Variants in RAB22A observed in about 807,000 individuals in gnomAD.
The protein encoded by RAB22A is RAB22A, member RAS oncogene family.
A neutral mutation model predicts 30.2 loss-of-function variants in RAB22A; 13 were observed. The observed-to-expected ratio is 0.43, with a 90% CI of 0.28 to 0.68. RAB22A has a LOEUF of 0.68. Among genes scored for constraint, RAB22A ranks in the 30% least tolerant of loss-of-function variants. The pLI, the probability that RAB22A is intolerant of heterozygous loss-of-function variation, is 0.18. For synonymous variants in RAB22A, 89 were observed against 87.2 expected (o/e 1.02, Z -0.11); for missense variants, 177 against 246.8 (o/e 0.72, Z 1.89).
chr20:58,335,479 TC>T (rs1365525488), intron 2 of RAB22A, among the ~76,000 whole-genome samples: 2 of 152,172 alleles, frequency 1.3e-5, no homozygotes, highest in Non-Finnish European at 2.9e-5. Flanking sequence ...TTGGATGATC[TC>T]CTAGGTATAG....
At chr20:58,344,111 G>C (rs1169004265) in intron 3 of RAB22A, among the ~76,000 whole-genome samples, 1 of 152,180 alleles carries the variant, frequency 6.6e-6, no homozygotes, top group African/African-American at 2.4e-5. Context: ...CTCTCCTCTA[G>C]TAAAGATATA....
chr20:58,343,134 C>T (rs941056129), intron 2 of RAB22A, among the ~76,000 whole-genome samples: 1 of 152,060 alleles, frequency 6.6e-6, no homozygotes, highest in African/African-American at 2.4e-5. Flanking sequence ...CCCGTTTTGT[C>T]GATGAAATGC....
chr20:58,339,725 T>G (rs1721459428), intron 2 of RAB22A, among the ~76,000 whole-genome samples: 1 of 152,134 alleles, frequency 6.6e-6, no homozygotes, highest in Admixed American at 6.5e-5. Context: ...TGGGGTGATT[T>G]GTGGGGGTAG....
chr20:58,310,025 G>A lies in RAB22A; in HGVS notation c.36+13G>A. The stretch of plus-strand genomic sequence containing the variant: ...GTGTCTGCTCGGGGTGAGTGGCGGC[G>A]GGTCCGGCCGGGAGGGCCACGGGAG... On this transcript the variant is annotated intron_variant, in intron 1 of 6. Coordinates refer to ENST00000244040, the MANE Select transcript of RAB22A (RefSeq NM_020673.3). 7.9e-7 allele frequency: 1 copy of A among 1,268,616 alleles called. No homozygotes were observed. The allele number at this position is 1,268,616 out of a possible 1,614,324, so 78.6% of individuals were successfully genotyped here.
chr20:58,333,055 G>A (rs946839332), intron 2 of RAB22A, among the ~76,000 whole-genome samples: 2 of 151,964 alleles, frequency 1.3e-5, no homozygotes, highest in Non-Finnish European at 2.9e-5. Context: ...AAGGCAAGTG[G>A]ATCACCTGAG....
At chr20:58,337,282 T>TG (rs1986773115) in intron 2 of RAB22A, among the ~76,000 whole-genome samples, 1 of 152,188 alleles carries the variant, frequency 6.6e-6, no homozygotes, top group Admixed American at 6.5e-5. Context: ...CCTTGGCTTG[T>TG]GGCCCCTTCT....
intron 6 of RAB22A, among the ~76,000 whole-genome samples, chr20:58,359,356 T>G (rs190069578): frequency 6.6e-6 from 1 of 152,284 alleles, no homozygotes; most frequent in African/African-American, 2.4e-5. Context: ...GTGGCAATGT[T>G]GAACTCTTCA....
chr20:58,340,986 T>C (rs1384408056), intron 2 of RAB22A, among the ~76,000 whole-genome samples: 1 of 152,144 alleles, frequency 6.6e-6, no homozygotes, highest in African/African-American at 2.4e-5. Flanking sequence ...ATGACTGCAG[T>C]GGCCAAGGCA....
chr20:58,331,007 C>G (rs1195747284), intron 2 of RAB22A, among the ~76,000 whole-genome samples: 1 of 152,204 alleles, frequency 6.6e-6, no homozygotes, highest in African/African-American at 2.4e-5. Context: ...AGCCCTGAAC[C>G]TCATCCTCTG....
At chr20:58,344,397 G>T (rs1317180640) in intron 3 of RAB22A, among the ~76,000 whole-genome samples, 1 of 152,192 alleles carries the variant, frequency 6.6e-6, no homozygotes, top group African/African-American at 2.4e-5. Flanking sequence ...AAATCAGAAA[G>T]GGCCGGGAAG....
chr20:58,323,893 TGTG>T (rs901694015), intron 2 of RAB22A, among the ~76,000 whole-genome samples: 11 of 152,162 alleles, frequency 7.2e-5, no homozygotes, highest in African/African-American at 9.6e-5. Context: ...TTTATGTTAA[TGTG>T]GTAAATTATA....
At position 58,353,520 on chromosome 20, in the gene RAB22A, G is replaced by A; in HGVS notation, c.359G>A (p.Cys120Tyr). 1 of 1,604,570 alleles carries A rather than the reference G, an allele frequency of 6.2e-7. No individual in the cohort carries two copies. Among genetic ancestry groups the A allele is most frequent in the South Asian group, 1.1e-5 (1 of 90,864 alleles). ...NIVVAIAGNK[C>Y]DLIDVREVME... ...GTAGTTGCCATTGCAGGAAATAAAT[G>A]TGATCTTATCGATGTAAGGTAAGTT... Residue 120 changes from cysteine (C) to tyrosine (Y), a missense_variant, in exon 5 of 7, where the codon TGT becomes TAT. By Grantham distance (194) the Cys-to-Tyr change is radical (BLOSUM62 -2). Transcript: ENST00000244040.
intron 2 of RAB22A, among the ~76,000 whole-genome samples, chr20:58,333,684 G>A (rs1021683778): frequency 6.6e-6 from 1 of 152,140 alleles, no homozygotes; most frequent in African/African-American, 2.4e-5. Flanking sequence ...ATTTAAAGAT[G>A]CATACTGTAA....
intron 2 of RAB22A, among the ~76,000 whole-genome samples, chr20:58,311,811 CTA>C (rs1165668830): frequency 4.6e-5 from 7 of 152,138 alleles, no homozygotes; most frequent in Non-Finnish European, 5.9e-5. Flanking sequence ...AAGAAAAAAT[CTA>C]TGTTATCCAT....
intron 2 of RAB22A, among the ~76,000 whole-genome samples, chr20:58,314,131 C>A (rs1045905243): frequency 6.6e-6 from 1 of 151,952 alleles, no homozygotes. Context: ...TCACTGCAAC[C>A]TCTGCCTCCC....
chr20:58,343,780 A>T lies in RAB22A; in HGVS notation c.179A>T (p.Asp60Val). The T allele has an allele frequency of 1.9e-6, 3 of 1,609,562 alleles. No homozygotes were observed. The highest frequency in any genetic ancestry group is 2.6e-6 in the Non-Finnish European group (3 of 1,175,890). ...GAGCTACATAAATTCCTAATCTGGGATACAGCTGGACAAGAACGAGTAAGT... is the reference window on the plus strand; with the variant it reads ...GAGCTACATAAATTCCTAATCTGGGTTACAGCTGGACAAGAACGAGTAAGT... ...QNELHKFLIW[D>V]TAGQERFRAL... Residue 60 changes from aspartate (D) to valine (V), a missense_variant, in exon 3 of 7, where the codon GAT (aspartate) becomes GTT (valine). Physicochemically the swap from Asp to Val is radical, Grantham distance 152. Transcript: ENST00000244040.
In RAB22A at chr20:58,338,726, A is replaced by T. The variant is rs189856066; in HGVS notation, c.117-4992A>T. Among the ~76,000 whole-genome samples, 461 of 152,326 alleles carry T rather than the reference A, an allele frequency of 3.0e-3. 8 individuals carry two copies. The highest frequency in any genetic ancestry group is 0.028 in the Admixed American group (427 of 15,304). ...AGTTCTTTGCACCATTCTAACAGAG[A>T]CAACTTTGTGAAGGTCCCTTGATAC... On this transcript the variant is annotated intron_variant, in intron 2 of 6. Transcript: ENST00000244040.
intron 2 of RAB22A, 108 bp from the exon 3 acceptor site, chr20:58,343,610 G>T: frequency 1.3e-6 from 1 of 764,788 alleles, no homozygotes; most frequent in East Asian, 2.6e-5. Flanking sequence ...AGGATACAGC[G>T]TGGTGCTGGG....
At position 58,367,228 on chromosome 20, in the gene RAB22A, G is replaced by C. The variant is rs893456596; in HGVS notation, c.*7525G>C. On this transcript the variant is annotated 3_prime_UTR_variant, in exon 7 of 7. Transcript: ENST00000244040. ...TTTTTGCAGTCTTAACCTTGGGCTG[G>C]ACCTAAGTGTATGTAAACCATATGA... 1 of 152,180 alleles carries C rather than the reference G, an allele frequency of 6.6e-6. No homozygotes were observed. Among genetic ancestry groups the C allele is most frequent in the East Asian group, 1.9e-4 (1 of 5,198 alleles). The allele number at this position is 152,180 out of a possible 1,614,324, so 9.4% of individuals were successfully genotyped here.
Sources: allele counts gnomAD v4.1 joint callset (sites outside exome capture counted in the v4.1 genomes callset), GRCh38; gene constraint gnomAD v4.1.1; transcripts MANE v1.5; gene names NCBI Gene and HGNC (gene_info 2026-07-23, HGNC 2026-07-21).